Variants in NFIA observed in about 807,000 individuals in gnomAD.
The protein encoded by NFIA is nuclear factor 1 A-type.
Under a neutral mutation model 62.8 loss-of-function variants are expected in NFIA, and 8 were observed. That is an observed-to-expected ratio of 0.13 (90% CI 0.07 to 0.23). The LOEUF is 0.23. Among genes scored for constraint, NFIA ranks in the 10% least tolerant of loss-of-function variants. The pLI, the probability that NFIA is intolerant of heterozygous loss-of-function variation, is 1.00. For missense variants in NFIA, 410 were observed against 642.1 expected (o/e 0.64, Z 3.91); for synonymous variants, 235 against 238.1 (o/e 0.99, Z 0.12).
chr1:61,101,644 C>G (rs574874643), intron 2 of NFIA, among the ~76,000 whole-genome samples: 13 of 152,154 alleles, frequency 8.5e-5, no homozygotes, highest in Admixed American at 3.9e-4. Flanking sequence ...CAGCCAAGTC[C>G]CAGTAGCATA....
At chr1:61,159,157 T>C (rs996640811) in intron 2 of NFIA, among the ~76,000 whole-genome samples, 6 of 152,056 alleles carry the variant, frequency 3.9e-5, no homozygotes, top group Admixed American at 2.0e-4. Flanking sequence ...GTAATAAAGG[T>C]AATTTAACCT....
rs768990882 is a variant in NFIA at position 61,088,228 on chromosome 1, G to A, written c.107G>A (p.Arg36Gln). The A allele has an allele frequency of 3.7e-6, 6 of 1,613,502 alleles. No individual in the cohort carries two copies. The highest frequency in any genetic ancestry group is 5.1e-6 in the Non-Finnish European group (6 of 1,179,910). ...TACACATGGTTCAACCTGCAGGCCC[G>A]AAAACGAAAATACTTCAAAAAACAT... Reference protein sequence around the residue: ...FAYTWFNLQARKRKYFKKHEK... With the variant: ...FAYTWFNLQAQKRKYFKKHEK... Residue 36 changes from arginine to glutamine, a missense_variant, in exon 2 of 11, where the codon CGA (arginine) becomes CAA (glutamine). This residue lies in a region of NFIA where 86 missense variants were observed against 124.6 expected (regional missense o/e 0.69). Transcript: ENST00000403491. The surrounding 1 kb of genome is among the most constrained non-coding windows in gnomAD (Gnocchi z 4.5).
intron 3 of NFIA, among the ~76,000 whole-genome samples, chr1:61,283,094 T>G (rs1483612160): frequency 1.3e-5 from 2 of 152,236 alleles, no homozygotes; most frequent in African/African-American, 4.8e-5. Flanking sequence ...GTTCACCATC[T>G]TCATTTATGT....
At chr1:61,087,198 T>C (rs999887264) in intron 1 of NFIA, among the ~76,000 whole-genome samples, 4 of 152,128 alleles carry the variant, frequency 2.6e-5, no homozygotes, top group African/African-American at 9.7e-5. Flanking sequence ...GAGGCATCTA[T>C]GAGGGTTTTC....
intron 4 of NFIA, among the ~76,000 whole-genome samples, chr1:61,350,767 T>C (rs1662507209): frequency 6.6e-6 from 1 of 152,206 alleles, no homozygotes; most frequent in Non-Finnish European, 1.5e-5. Flanking sequence ...CATTTTCTGC[T>C]CTCTTGATGC....
chr1:61,158,970 AC>A (rs955889519), intron 2 of NFIA, among the ~76,000 whole-genome samples: 35 of 152,284 alleles, frequency 2.3e-4, no homozygotes, highest in African/African-American at 7.7e-4. Context: ...TATTTTAGCC[AC>A]CCTGGAGTAG....
At position 61,135,084 on chromosome 1, in the gene NFIA, A is replaced by C. The variant is rs566289459; in HGVS notation, c.559+46404A>C. The stretch of plus-strand genomic sequence containing the variant: ...ATCAGAATTCTTAAATCTAAGAAAC[A>C]AATAATATGGAGGTTCTTTATATTA... On this transcript the variant is annotated intron_variant, in intron 2 of 10. Transcript: ENST00000403491. 1.0e-4 allele frequency among the ~76,000 whole-genome samples: 16 copies of C among 152,398 alleles called. No individual in the cohort carries two copies. The South Asian group carries it at 3.3e-3, about 32-fold the overall frequency.
intron 5 of NFIA, among the ~76,000 whole-genome samples, chr1:61,357,701 G>A (rs558797060): frequency 6.6e-6 from 1 of 152,030 alleles, no homozygotes; most frequent in Non-Finnish European, 1.5e-5. Flanking sequence ...CTGTCTCCAT[G>A]TCTGACTCAT....
At chr1:61,338,636 G>C (rs999437205) in intron 4 of NFIA, among the ~76,000 whole-genome samples, 1 of 152,152 alleles carries the variant, frequency 6.6e-6, no homozygotes, top group South Asian at 2.1e-4. Flanking sequence ...AATGAACTCG[G>C]CTACAAGGCA....
rs1264372904 is a variant in NFIA at position 61,088,290 on chromosome 1, A to G, written c.169A>G (p.Lys57Glu). Residue 57 changes from lysine to glutamate, a missense_variant, in exon 2 of 11, where the codon AAG becomes GAG. This residue lies in a region of NFIA where 86 missense variants were observed against 124.6 expected (regional missense o/e 0.69). Transcript: ENST00000403491. This position sits in a 1 kb window ranked among gnomAD's most constrained non-coding sequence, Gnocchi z 4.5. ...RMSKEEERAV[K>E]DELLSEKPEV... is the part of the protein sequence containing the mutation. ...GTCAAAAGAAGAAGAGAGAGCCGTGAAGGATGAATTGCTAAGTGAAAAACC... is the reference window on the plus strand; with the variant it reads ...GTCAAAAGAAGAAGAGAGAGCCGTGGAGGATGAATTGCTAAGTGAAAAACC... 1 of 1,613,586 alleles carries G rather than the reference A, an allele frequency of 6.2e-7. No homozygotes were observed. Among genetic ancestry groups the G allele is most frequent in the Non-Finnish European group, 8.5e-7 (1 of 1,179,958 alleles).
At chr1:61,423,747 G>C (rs1666740693) in intron 9 of NFIA, among the ~76,000 whole-genome samples, 1 of 152,090 alleles carries the variant, frequency 6.6e-6, no homozygotes, top group Non-Finnish European at 1.5e-5. Flanking sequence ...AATTGTTTCT[G>C]TAGGAAAATC....
chr1:61,366,906 A>G (rs1399187931), intron 6 of NFIA, among the ~76,000 whole-genome samples: 1 of 152,216 alleles, frequency 6.6e-6, no homozygotes. Flanking sequence ...CTGGGCGACA[A>G]GAACAAAACT....
At chr1:61,314,690 G>A (rs1465565804) in intron 3 of NFIA, among the ~76,000 whole-genome samples, 3 of 152,036 alleles carry the variant, frequency 2.0e-5, no homozygotes, top group Non-Finnish European at 4.4e-5. Flanking sequence ...GGTTATCCTT[G>A]TTGCCCCCCA....
intron 8 of NFIA, among the ~76,000 whole-genome samples, chr1:61,406,157 T>G (rs1225964809): frequency 6.6e-6 from 1 of 152,210 alleles, no homozygotes. Flanking sequence ...AACACTTAGA[T>G]ATTAAATATT....
chr1:61,306,560 A>C (rs1218569445), intron 3 of NFIA, among the ~76,000 whole-genome samples: 1 of 152,100 alleles, frequency 6.6e-6, no homozygotes, highest in Admixed American at 6.5e-5. Context: ...TTTGTTCTCA[A>C]ATAGCAGCTG....
chr1:61,127,622 G>T (rs957696409), intron 2 of NFIA, among the ~76,000 whole-genome samples: 2 of 152,166 alleles, frequency 1.3e-5, no homozygotes, highest in African/African-American at 2.4e-5. Flanking sequence ...GAATGGTCTT[G>T]TAAGATGCCT....
At chr1:61,091,491 G>T (rs1646319419) in intron 2 of NFIA, among the ~76,000 whole-genome samples, 1 of 152,182 alleles carries the variant, frequency 6.6e-6, no homozygotes, top group Non-Finnish European at 1.5e-5. Flanking sequence ...CAAGTGTAAT[G>T]AAATTGGAGT....
chr1:61,356,598 C>T (rs181884724), intron 5 of NFIA, among the ~76,000 whole-genome samples: 12 of 152,108 alleles, frequency 7.9e-5, no homozygotes, highest in Admixed American at 3.3e-4. Flanking sequence ...GTAAGGAATT[C>T]GCTGTGTATA....
At position 61,406,586 on chromosome 1, in the gene NFIA, G is replaced by C; in HGVS notation, c.1279G>C (p.Val427Leu). The change falls in exon 9 of 11, where the codon GTG becomes CTG. Residue 427 changes from valine (V) to leucine (L), a missense_variant. Val to Leu is a conservative substitution (Grantham distance 32, BLOSUM62 1). Around this residue, in one of 3 missense-constraint regions of NFIA, gnomAD observed 298 missense variants for 438.1 expected, o/e 0.68. Coordinates refer to ENST00000403491, the MANE Select transcript of NFIA (RefSeq NM_001134673.4). ...GCCCAATGGGAGCAGCCAAGGCAAG[G>C]TGCACAACCCATTCCTTCCCACCCC... ...LNPNGSSQGK[V>L]HNPFLPTPML... The C allele has an allele frequency of 6.7e-7, 1 of 1,497,448 alleles. No homozygotes were observed. The highest frequency in any genetic ancestry group is 1.1e-5 in the South Asian group (1 of 88,016). The allele number at this position is 1,497,448 out of a possible 1,614,324, so 92.8% of individuals were successfully genotyped here.
Sources: gnomAD v4.1 joint callset for allele counts (sites outside exome capture counted in the v4.1 genomes callset) on GRCh38, gnomAD v4.1.1 for gene constraint, gnomAD v4.1.1 regional missense constraint, Gnocchi (gnomAD v3.1) non-coding constraint, MANE v1.5 for transcripts, NCBI Gene and HGNC (gene_info 2026-07-23, HGNC 2026-07-21) for gene names.